Variants in SAMD12 observed in about 807,000 individuals in gnomAD.
SAMD12 encodes sterile alpha motif domain-containing protein 12.
Under a neutral mutation model 15.0 loss-of-function variants are expected in SAMD12, and 9 were observed. That is an observed-to-expected ratio of 0.60 (90% CI 0.36 to 1.05). The LOEUF is 1.05. Among genes scored for constraint, SAMD12 ranks in the 50% least tolerant of loss-of-function variants. SAMD12 has a pLI of 0.01. For synonymous variants in SAMD12, 86 were observed against 90.1 expected (o/e 0.96, Z 0.25); for missense variants, 230 against 234.2 (o/e 0.98, Z 0.12).
At chr8:118,551,494 A>T (rs1217113569) in intron 2 of SAMD12, among the ~76,000 whole-genome samples, 2 of 152,104 alleles carry the variant, frequency 1.3e-5, no homozygotes, top group Non-Finnish European at 2.9e-5. Flanking sequence ...CAAAGACACA[A>T]CATACCAGAA....
intron 1 of SAMD12, among the ~76,000 whole-genome samples, chr8:118,611,684 A>C (rs1044003374): frequency 6.6e-6 from 1 of 152,224 alleles, no homozygotes; most frequent in Non-Finnish European, 1.5e-5. Flanking sequence ...CAAAACCCTC[A>C]ACTGAAATGT....
rs563595936 is a variant in SAMD12, at chr8:118,233,092, A to G, written c.434-35360T>C. Among the ~76,000 whole-genome samples the G allele has an allele frequency of 1.1e-3, 171 of 152,224 alleles. 1 individual carries two copies. Among genetic ancestry groups the G allele is most frequent in the African/African-American group, 3.9e-3 (163 of 41,536 alleles). On this transcript the variant is annotated intron_variant, in intron 4 of 4. Coordinates refer to the SAMD12 transcript ENST00000409003. ...ATTTTTTTTCCATTTCCAGAGAATA[A>G]TATTTTTCTTCCTCCCAAACTGTGA...
Position 118,580,830 on chromosome 8 carries a change from A to C in SAMD12, c.77T>G (p.Leu26Arg). 1.2e-6 allele frequency: 2 copies of C among 1,613,228 alleles called. No individual in the cohort carries two copies. The highest frequency in any genetic ancestry group is 8.5e-7 in the Non-Finnish European group (1 of 1,179,378). ...DHPAHAEGIKLQIEGEGVESQ... is the reference protein window; with the variant it reads ...DHPAHAEGIKRQIEGEGVESQ... The stretch of plus-strand genomic sequence containing the variant: ...TTCCACACCTTCACCTTCAATTTGC[A>C]GTTTAATACCTTCAGCATGGGCAGG... Residue 26 changes from leucine (L) to arginine (R), a missense_variant, in exon 2 of 4, where the codon CTG becomes CGG. Transcript: ENST00000314727.
chr8:118,159,592 CTG>C, the SAMD12 span, among the ~76,000 whole-genome samples: 2 of 152,168 alleles, frequency 1.3e-5, no homozygotes, highest in African/African-American at 2.4e-5. Flanking sequence ...TCCAAGGATC[CTG>C]TGACAGTCTA....
chr8:118,403,515 A>C (rs1348763870), intron 3 of SAMD12, among the ~76,000 whole-genome samples: 1 of 152,192 alleles, frequency 6.6e-6, no homozygotes, highest in East Asian at 1.9e-4. Flanking sequence ...TAAAATAAAA[A>C]AAATTATAGT....
intron 2 of SAMD12, among the ~76,000 whole-genome samples, chr8:118,522,828 C>T (rs201477381): frequency 2.0e-5 from 3 of 151,904 alleles, no homozygotes; most frequent in Non-Finnish European, 4.4e-5. Flanking sequence ...GGGGCATAAA[C>T]AAATAGCCAT....
chr8:118,553,289 A>C (rs1026503034), intron 2 of SAMD12, among the ~76,000 whole-genome samples: 1 of 152,182 alleles, frequency 6.6e-6, no homozygotes, highest in Non-Finnish European at 1.5e-5. Context: ...CTATACTACA[A>C]GGCTACAGTA....
At chr8:118,162,716 T>C in the SAMD12 span, among the ~76,000 whole-genome samples, 1 of 152,114 alleles carries the variant, frequency 6.6e-6, no homozygotes, top group Non-Finnish European at 1.5e-5. Context: ...TCGAACTGTG[T>C]GGAACTTTGA....
At chr8:118,576,498 G>A (rs1196295879) in intron 2 of SAMD12, among the ~76,000 whole-genome samples, 1 of 152,162 alleles carries the variant, frequency 6.6e-6, no homozygotes, top group Non-Finnish European at 1.5e-5. Flanking sequence ...AAAGTGCTTA[G>A]ACTTCACGGC....
At chr8:118,209,937 G>A (rs1280852330) in intron 4 of SAMD12, among the ~76,000 whole-genome samples, 1 of 152,034 alleles carries the variant, frequency 6.6e-6, no homozygotes, top group African/African-American at 2.4e-5. Flanking sequence ...CAACCTCCTG[G>A]GATCACCTCT....
At position 118,439,947 on chromosome 8, in the gene SAMD12, C is replaced by T; in HGVS notation, c.207G>A (p.Lys69=). Residue 69 remains lysine (K), a synonymous_variant, in exon 3 of 4, where the codon AAG becomes AAA. Transcript: ENST00000314727. The part of the protein sequence containing the change: ...EAETAKSATV[K]LSKPVALWTQ... ...TCCATAGAGCCACCGGTTTAGATAG[C>T]TTCACCGTAGCTGACTATAAATAAA... The T allele has an allele frequency of 6.2e-7, 1 of 1,613,650 alleles. No homozygotes were observed. Among genetic ancestry groups the T allele is most frequent in the East Asian group, 2.2e-5 (1 of 44,868 alleles).
intron 3 of SAMD12, among the ~76,000 whole-genome samples, chr8:118,392,780 T>C (rs1322841292): frequency 6.6e-6 from 1 of 152,210 alleles, no homozygotes; most frequent in Non-Finnish European, 1.5e-5. Flanking sequence ...AGCTACCTTA[T>C]GCACTGCAGG....
intron 2 of SAMD12, among the ~76,000 whole-genome samples, chr8:118,531,745 T>G (rs1027617215): frequency 6.6e-6 from 1 of 152,226 alleles, no homozygotes; most frequent in African/African-American, 2.4e-5. Context: ...TATTGGTGTA[T>G]AAGAATGCTT....
At chr8:118,229,459 AC>A (rs1295149793) in intron 4 of SAMD12, among the ~76,000 whole-genome samples, 3 of 152,150 alleles carry the variant, frequency 2.0e-5, no homozygotes, top group Non-Finnish European at 4.4e-5. Flanking sequence ...CCCCAAGTCC[AC>A]AGTATACCTT....
chr8:118,438,057 T>C (rs2130884601), intron 3 of SAMD12, among the ~76,000 whole-genome samples: 1 of 152,304 alleles, frequency 6.6e-6, no homozygotes, highest in African/African-American at 2.4e-5. Flanking sequence ...ACTGATTGAT[T>C]ACAGTTAGGA....
At chr8:118,178,461 T>A in the SAMD12 span, among the ~76,000 whole-genome samples, 1 of 152,162 alleles carries the variant, frequency 6.6e-6, no homozygotes, top group Non-Finnish European at 1.5e-5. Context: ...AGGTTTTTTT[T>A]AAATTAAAAA....
At chr8:118,579,500 C>T (rs1011439431) in intron 2 of SAMD12, among the ~76,000 whole-genome samples, 1 of 152,102 alleles carries the variant, frequency 6.6e-6, no homozygotes, top group African/African-American at 2.4e-5. Flanking sequence ...TTCCCCATTC[C>T]CTACCACACA....
At chr8:118,220,731 TTTC>T (rs1254659614) in intron 4 of SAMD12, among the ~76,000 whole-genome samples, 1 of 152,200 alleles carries the variant, frequency 6.6e-6, no homozygotes. Context: ...GACTTGACAG[TTTC>T]TTCATTAATT....
At chr8:118,500,066 C>CTTTTT (rs1563896518) in intron 2 of SAMD12, among the ~76,000 whole-genome samples, 1 of 61,436 alleles carries the variant, frequency 1.6e-5, no homozygotes, top group Non-Finnish European at 3.2e-5. Context: ...CTGAGTTTTG[C>CTTTTT]CTTTTTTTTT....
Sources: allele counts gnomAD v4.1 joint callset (sites outside exome capture counted in the v4.1 genomes callset), GRCh38; gene constraint gnomAD v4.1.1; transcripts MANE v1.5; gene names NCBI Gene and HGNC (gene_info 2026-07-23, HGNC 2026-07-21).